ZFAND6: variants seen among roughly 807,000 people sequenced by gnomAD.
ZFAND6 encodes the protein zinc finger AN1-type containing 6.
ZFAND6 carries 12 observed loss-of-function variants against 24.5 expected under a neutral mutation model. That is an observed-to-expected ratio of 0.49 (90% CI 0.31 to 0.79). The LOEUF (loss-of-function observed/expected upper bound fraction) is 0.79. Ranked by LOEUF, ZFAND6 falls within the 30% of genes least tolerant of loss-of-function variation. The pLI is 0.04. For synonymous variants in ZFAND6, 92 were observed against 81.5 expected, an observed-to-expected ratio of 1.13 and a Z score of -0.69; for missense variants, 207 against 245.9, an observed-to-expected ratio of 0.84 and a Z score of 1.06.
intron 1 of ZFAND6, among the ~76,000 whole-genome samples, chr15:80,065,262 T>TAA (rs929575090): frequency 2.1e-5 from 3 of 142,364 alleles, no homozygotes; most frequent in South Asian, 2.3e-4. Context: ...TTGGCCCCAC[T>TAA]AAAAAAAAAA....
chr15:80,066,152 G>T (rs1482831522), intron 1 of ZFAND6, among the ~76,000 whole-genome samples: 4 of 152,042 alleles, frequency 2.6e-5, no homozygotes, highest in Admixed American at 1.3e-4. Flanking sequence ...ACAAACCAAC[G>T]AATAAAGAAT....
At chr15:80,089,776 T>C (rs1347400047) in intron 1 of ZFAND6, among the ~76,000 whole-genome samples, 2 of 152,168 alleles carry the variant, frequency 1.3e-5, no homozygotes, top group Non-Finnish European at 2.9e-5. Context: ...GACTGCTGTC[T>C]GGATGCTTGA....
At position 80,137,887 on chromosome 15, in the gene ZFAND6, T is replaced by C. The variant is rs1240253677; in HGVS notation, c.*259T>C. The C allele has an allele frequency of 1.1e-5, 3 of 277,448 alleles. No homozygotes were observed. In the East Asian group the frequency reaches 2.5e-4, roughly 23 times the overall value. 17.2% of individuals were successfully genotyped at this position (277,448 alleles called of 1,614,324 possible). On this transcript the variant is annotated 3_prime_UTR_variant, in exon 7 of 7. Coordinates refer to ENST00000261749, the MANE Select transcript of ZFAND6 (RefSeq NM_019006.4). ...TTTAGTTGAGTGCAGAGGGCTTTTA[T>C]AACAAACGTGCAGAAATTTTGGAGG...
chr15:80,096,508 TAGAG>T (rs2038730995), intron 1 of ZFAND6, among the ~76,000 whole-genome samples: 1 of 152,234 alleles, frequency 6.6e-6, no homozygotes, highest in Non-Finnish European at 1.5e-5. Context: ...AAGTCGATTA[TAGAG>T]AAACATTTGA....
At chr15:80,134,621 A>G (rs2040773046) in intron 6 of ZFAND6, among the ~76,000 whole-genome samples, 1 of 152,218 alleles carries the variant, frequency 6.6e-6, no homozygotes, top group Non-Finnish European at 1.5e-5. Context: ...CAGGATGGAA[A>G]TCATGATAGA....
intron 5 of ZFAND6, 30 bp from the exon 6 acceptor site, chr15:80,131,150 T>A (rs761475717): frequency 6.7e-7 from 1 of 1,499,378 alleles, no homozygotes; most frequent in Non-Finnish European, 9.0e-7. Flanking sequence ...ACAGAATAAT[T>A]AAATTTTGCC....
intron 1 of ZFAND6, among the ~76,000 whole-genome samples, chr15:80,063,879 C>T (rs919104246): frequency 2.0e-5 from 3 of 152,022 alleles, no homozygotes; most frequent in Admixed American, 6.6e-5. Context: ...GTAGAGACCG[C>T]GTTTCACCAT....
At chr15:80,128,139 TAC>T (rs1334173363) in intron 5 of ZFAND6, among the ~76,000 whole-genome samples, 1 of 152,188 alleles carries the variant, frequency 6.6e-6, no homozygotes, top group Non-Finnish European at 1.5e-5. Context: ...AGGCTAGTCA[TAC>T]AGAAAGATTA....
chr15:80,088,173 A>G (rs1481290181), intron 1 of ZFAND6, among the ~76,000 whole-genome samples: 1 of 152,114 alleles, frequency 6.6e-6, no homozygotes, highest in Non-Finnish European at 1.5e-5. Context: ...AAGCTTTACT[A>G]CAAACTTTAT....
intron 4 of ZFAND6, 46 bp downstream of exon 4, chr15:80,121,866 A>G: frequency 6.7e-7 from 1 of 1,494,704 alleles, no homozygotes; most frequent in Non-Finnish European, 9.2e-7. Flanking sequence ...AATAAAAACT[A>G]AAGAGTATAT....
Position 80,121,905 on chromosome 15 carries a change from G to T in ZFAND6, c.263+85G>T. 4.4e-6 allele frequency: 5 copies of T among 1,142,540 alleles called. No homozygotes were observed. The South Asian group carries it at 8.5e-5, about 19-fold the overall frequency. 70.8% of individuals were successfully genotyped at this position (1,142,540 alleles called of 1,614,324 possible). A position where few individuals can be genotyped will look rare whatever the true frequency, so the allele number is the denominator to read the frequency against. ...GTGTTTGATTAATAAGGAAAACTAC[G>T]TAAAGCTACTTTTAGATTAACTGGC... On this transcript the variant is annotated intron_variant, in intron 4 of 6. Coordinates refer to ENST00000261749, the MANE Select transcript of ZFAND6 (RefSeq NM_019006.4).
intron 1 of ZFAND6, among the ~76,000 whole-genome samples, chr15:80,064,707 C>T (rs2036520128): frequency 6.6e-6 from 1 of 152,090 alleles, no homozygotes; most frequent in Non-Finnish European, 1.5e-5. Flanking sequence ...GTGGTGCAGT[C>T]ATGGTTCACT....
At chr15:80,127,982 C>T (rs908465889) in intron 5 of ZFAND6, among the ~76,000 whole-genome samples, 1 of 151,988 alleles carries the variant, frequency 6.6e-6, no homozygotes, top group Admixed American at 6.6e-5. Context: ...GTGGTATATC[C>T]GTACAGTAGA....
At chr15:80,068,912 A>G (rs1461512230) in intron 1 of ZFAND6, among the ~76,000 whole-genome samples, 1 of 152,222 alleles carries the variant, frequency 6.6e-6, no homozygotes, top group Non-Finnish European at 1.5e-5. Flanking sequence ...TCAGCGCATA[A>G]CAGACGTTCA....
chr15:80,063,558 ATTT>A (rs34010352), intron 1 of ZFAND6, among the ~76,000 whole-genome samples: 1 of 139,598 alleles, frequency 7.2e-6, no homozygotes, highest in Non-Finnish European at 1.6e-5. Context: ...CGCCCAGCTA[ATTT>A]TTTTTTTTTT....
intron 6 of ZFAND6, 57 bp downstream of exon 6, chr15:80,131,350 C>A: frequency 7.0e-7 from 1 of 1,433,448 alleles, no homozygotes; most frequent in Non-Finnish European, 9.7e-7. Flanking sequence ...TAATGCATAG[C>A]TTACTGTTGT....
chr15:80,075,500 C>G (rs1279568706), intron 1 of ZFAND6, among the ~76,000 whole-genome samples: 1 of 151,876 alleles, frequency 6.6e-6, no homozygotes, highest in Admixed American at 6.6e-5. Flanking sequence ...TAGTTTTCTA[C>G]AAGGAGAAGA....
chr15:80,130,634 T>TA (rs1461283670), intron 5 of ZFAND6: 3 of 152,296 alleles, frequency 2.0e-5, no homozygotes, highest in African/African-American at 7.2e-5. Flanking sequence ...CTTATTATCT[T>TA]ACAACATTTT....
In ZFAND6 at chr15:80,100,839, T is replaced by G. The variant is rs560143600; in HGVS notation, c.-18+2261T>G. ...GGCTATAGAGTCTGGCTGCCTGAGT[T>G]CAGATCCTAGCTGTCCCTTCTAACA... On this transcript the variant is annotated intron_variant, in intron 2 of 6. Coordinates refer to ENST00000261749, the MANE Select transcript of ZFAND6 (RefSeq NM_019006.4). 3.3e-5 allele frequency among the ~76,000 whole-genome samples: 5 copies of G among 152,314 alleles called. No homozygotes were observed. The South Asian group carries it at 1.0e-3, about 32-fold the overall frequency.
Sources: allele counts gnomAD v4.1 joint callset (sites outside exome capture counted in the v4.1 genomes callset), GRCh38; gene constraint gnomAD v4.1.1; transcripts MANE v1.5; gene names NCBI Gene and HGNC (gene_info 2026-07-23, HGNC 2026-07-21).